The following ACTN2 variants were observed in gnomAD, a reference collection of about 807,000 sequenced individuals.
ACTN2 encodes actinin alpha 2, also known as alpha-actinin-2.
ACTN2 carries 39 observed loss-of-function variants against 113.8 expected under a neutral mutation model. The observed-to-expected ratio is 0.34, with a 90% CI of 0.27 to 0.45. The LOEUF (loss-of-function observed/expected upper bound fraction) is 0.45. Among genes scored for constraint, ACTN2 ranks in the 20% least tolerant of loss-of-function variants. The pLI is 1.00. For synonymous variants in ACTN2, 429 were observed against 444.1 expected (o/e 0.97, Z 0.43); for missense variants, 992 against 1,177.9 (o/e 0.84, Z 2.31).
intron 8 of ACTN2, chr1:236,736,583 C>G (rs1160748622): frequency 6.7e-7 from 1 of 1,498,282 alleles, no homozygotes; most frequent in African/African-American, 1.5e-5. Flanking sequence ...AAAGCACACT[C>G]AGCTCTGTGG....
At chr1:236,743,290 A>G (rs543101754) in intron 11 of ACTN2, among the ~76,000 whole-genome samples, 28 of 152,132 alleles carry the variant, frequency 1.8e-4, no homozygotes, top group Non-Finnish European at 3.2e-4. Context: ...TTACATACCT[A>G]CCTACATAAG....
chr1:236,747,566 T>G lies in ACTN2; in HGVS notation c.1407-101T>G, dbSNP rs1004873681. ...GTCCATGTGGATACATTTCAGATGT[T>G]TTTGTTTTTAAACTTCCCTGTTATT... On this transcript the variant is annotated intron_variant, in intron 12 of 20. Transcript: ENST00000366578. The G allele has an allele frequency of 1.8e-5, 19 of 1,042,670 alleles. No individual in the cohort carries two copies. In the African/African-American group the frequency reaches 1.9e-4, roughly 10 times the overall value. The allele number at this position is 1,042,670 out of a possible 1,614,324, so 64.6% of individuals were successfully genotyped here.
At chr1:236,689,338 T>TATAC (rs1439126100) in intron 1 of ACTN2, among the ~76,000 whole-genome samples, 229 of 41,072 alleles carry the variant, frequency 5.6e-3, no homozygotes, top group African/African-American at 9.7e-3. Flanking sequence ...TATATATATA[T>TATAC]ACACACACAT....
At chr1:236,751,074 A>G (rs1308126943) in intron 14 of ACTN2, among the ~76,000 whole-genome samples, 5 of 122,372 alleles carry the variant, frequency 4.1e-5, no homozygotes, top group African/African-American at 1.6e-4. Context: ...TGAGTGACCT[A>G]GCGAGACCCT....
intron 5 of ACTN2, among the ~76,000 whole-genome samples, chr1:236,726,656 C>T (rs1157917294): frequency 6.6e-6 from 1 of 152,128 alleles, no homozygotes; most frequent in African/African-American, 2.4e-5. Flanking sequence ...TGCAAAAAGG[C>T]CACTGAGATA....
chr1:236,753,032 T>A (rs928185539), intron 15 of ACTN2, among the ~76,000 whole-genome samples: 2 of 152,186 alleles, frequency 1.3e-5, no homozygotes, highest in Non-Finnish European at 2.9e-5. Flanking sequence ...TGAAAGAGAA[T>A]GGAGGCATAG....
At position 236,696,726 on chromosome 1, in the gene ACTN2, C is replaced by T. The variant is rs560268670; in HGVS notation, c.126+9927C>T. Among the ~76,000 whole-genome samples, 11 of 146,812 alleles carry T rather than the reference C, an allele frequency of 7.5e-5. No homozygotes were observed. In the East Asian group the frequency reaches 1.0e-3, roughly 13 times the overall value. ...CTGTCGCCAGGCTGGAGTGCAGTGGCGCAATCTCGGCTCACTGCAACCTCC... is the reference window on the plus strand; with the variant it reads ...CTGTCGCCAGGCTGGAGTGCAGTGGTGCAATCTCGGCTCACTGCAACCTCC... On this transcript the variant is annotated intron_variant, in intron 1 of 20. Coordinates refer to ENST00000366578, the MANE Select transcript of ACTN2 (RefSeq NM_001103.4).
chr1:236,761,270 C>A, intron 20 of ACTN2, 97 bp downstream of exon 20: 1 of 1,424,858 alleles, frequency 7.0e-7, no homozygotes, highest in Non-Finnish European at 9.8e-7. Context: ...CATTTTTATG[C>A]CGGTGTATTT....
chr1:236,703,736 T>C (rs1156757318), intron 1 of ACTN2, among the ~76,000 whole-genome samples: 1 of 152,006 alleles, frequency 6.6e-6, no homozygotes, highest in Non-Finnish European at 1.5e-5. Context: ...TAGAGCTAGA[T>C]TGAATTGCAA....
chr1:236,708,899 A>C (rs758100033), intron 1 of ACTN2, among the ~76,000 whole-genome samples: 7 of 152,206 alleles, frequency 4.6e-5, no homozygotes, highest in Non-Finnish European at 8.8e-5. Context: ...CACTTTAGTC[A>C]GTGATTTTTA....
intron 5 of ACTN2, among the ~76,000 whole-genome samples, chr1:236,726,446 C>T (rs1658553078): frequency 6.6e-6 from 1 of 152,146 alleles, no homozygotes; most frequent in Admixed American, 6.5e-5. Flanking sequence ...CATCCATCAG[C>T]TTTGCTCTGC....
rs1018333755 is a variant in ACTN2 at position 236,754,367 on chromosome 1, G to A, written c.1974+286G>A. Among the ~76,000 whole-genome samples, 3 of 152,184 alleles carry A rather than the reference G, an allele frequency of 2.0e-5. No individual in the cohort carries two copies. Among genetic ancestry groups the A allele is most frequent in the South Asian group, 2.1e-4 (1 of 4,824 alleles). ...TAAAAATGGTGACAGGGCTTTCTCC[G>A]TTTTTGGCCTCTGCAGGGCCTGGAT... On this transcript the variant is annotated intron_variant, in intron 16 of 20. Transcript: ENST00000366578. This position sits in a 1 kb window ranked among gnomAD's most constrained non-coding sequence, Gnocchi z 4.9.
At chr1:236,713,081 C>T (rs1010777359) in intron 1 of ACTN2, among the ~76,000 whole-genome samples, 4 of 151,658 alleles carry the variant, frequency 2.6e-5, no homozygotes, top group African/African-American at 7.3e-5. Flanking sequence ...CTTAATTATC[C>T]GGAAACAACC....
chr1:236,715,803 A>G (rs910797869), intron 1 of ACTN2, among the ~76,000 whole-genome samples: 8 of 152,138 alleles, frequency 5.3e-5, no homozygotes, highest in African/African-American at 1.9e-4. Context: ...TAAAAATACA[A>G]AAATCAGCTA....
chr1:236,709,834 C>G (rs1331116172), intron 1 of ACTN2, among the ~76,000 whole-genome samples: 1 of 152,046 alleles, frequency 6.6e-6, no homozygotes, highest in East Asian at 1.9e-4. Context: ...CTCAGAAAGC[C>G]CTACGTCTGG....
At chr1:236,707,797 C>T (rs554955425) in intron 1 of ACTN2, among the ~76,000 whole-genome samples, 3 of 149,620 alleles carry the variant, frequency 2.0e-5, no homozygotes, top group Non-Finnish European at 3.0e-5. Context: ...CTGCAACCTC[C>T]GCCTCCTGGG....
At chr1:236,719,452 G>A (rs1340400101) in intron 3 of ACTN2, among the ~76,000 whole-genome samples, 2 of 152,176 alleles carry the variant, frequency 1.3e-5, no homozygotes, top group African/African-American at 4.8e-5. Flanking sequence ...CGTAAGAAGG[G>A]TCAGGGTAAA....
chr1:236,752,374 G>A (rs1382253429), intron 15 of ACTN2, among the ~76,000 whole-genome samples: 1 of 151,998 alleles, frequency 6.6e-6, no homozygotes, highest in African/African-American at 2.4e-5. Context: ...ACAGGTATGA[G>A]GAAAAGGAAA....
intron 4 of ACTN2, among the ~76,000 whole-genome samples, chr1:236,724,202 A>G (rs991643837): frequency 1.3e-5 from 2 of 151,694 alleles, no homozygotes; most frequent in African/African-American, 4.8e-5. Flanking sequence ...GGTGGGGGAG[A>G]ACCTGCCAAT....
Sources: allele counts gnomAD v4.1 joint callset (sites outside exome capture counted in the v4.1 genomes callset), GRCh38; gene constraint gnomAD v4.1.1; non-coding constraint Gnocchi (gnomAD v3.1); transcripts MANE v1.5; gene names NCBI Gene and HGNC (gene_info 2026-07-23, HGNC 2026-07-21).